PLCH2: variants seen among roughly 807,000 people sequenced by gnomAD.
PLCH2 encodes the protein phospholipase C eta 2, also known as 1-phosphatidylinositol 4,5-bisphosphate phosphodiesterase eta-2.
In PLCH2, 98 loss-of-function variants were observed where a neutral mutation model predicts 134.7. That is an observed-to-expected ratio of 0.73 (90% CI 0.62 to 0.86). The LOEUF is 0.86. PLCH2 is among the 40% of genes least tolerant of loss of function. PLCH2 has a pLI of 0.00. For synonymous variants in PLCH2, 974 were observed against 827.5 expected (o/e 1.18, Z -3.04); for missense variants, 1,994 against 1,986.6 (o/e 1.00, Z -0.07).
At chr1:2,435,508 G>A (rs903099409) in intron 2 of PLCH2, among the ~76,000 whole-genome samples, 4 of 152,080 alleles carry the variant, frequency 2.6e-5, no homozygotes, top group African/African-American at 4.8e-5. Context: ...TTAGTGAGGC[G>A]GGGATAGCAG....
intron 2 of PLCH2, among the ~76,000 whole-genome samples, chr1:2,449,964 G>C (rs974001403): frequency 2.0e-5 from 3 of 152,220 alleles, no homozygotes; most frequent in Non-Finnish European, 2.9e-5. Context: ...GGCTGGCCTC[G>C]GACTGGGCTG....
At chr1:2,423,713 T>C (rs1028179822), upstream of PLCH2, among the ~76,000 whole-genome samples, 3 of 151,794 alleles carry the variant, frequency 2.0e-5, no homozygotes, top group African/African-American at 7.2e-5. Context: ...GTAATTTTAC[T>C]GTTATGCAGG....
At chr1:2,426,716 ATGGAGG>A (rs1290618806) in intron 1 of PLCH2, among the ~76,000 whole-genome samples, 2 of 152,180 alleles carry the variant, frequency 1.3e-5, no homozygotes, top group African/African-American at 4.8e-5. Context: ...CGCTGTGAGC[ATGGAGG>A]GGCCTGGCCT....
intron 5 of PLCH2, among the ~76,000 whole-genome samples, chr1:2,486,198 T>C (rs376496482): frequency 7.2e-5 from 11 of 152,186 alleles, no homozygotes; most frequent in African/African-American, 2.7e-4. Flanking sequence ...TCCCTGACCT[T>C]TGCCCCAAGC....
chr1:2,496,914 A>G lies in PLCH2; in HGVS notation c.2020A>G (p.Asn674Asp). ...GAAGCCGGCGCAGTACCTACGCTTCAACCAGCAGCAGCTCTCCCGCATCTA... is the reference window on the plus strand; with the variant it reads ...GAAGCCGGCGCAGTACCTACGCTTCGACCAGCAGCAGCTCTCCCGCATCTA... ...QQKPAQYLRFNQQQLSRIYPS... is the reference protein window; with the variant it reads ...QQKPAQYLRFDQQQLSRIYPS... Residue 674 changes from asparagine to aspartate, a missense_variant, in exon 15 of 22, where the codon AAC becomes GAC. By Grantham distance (23) the Asn-to-Asp change is conservative. Around this residue, in one of 2 missense-constraint regions of PLCH2, gnomAD observed 1,094 missense variants for 1,234.3 expected, o/e 0.89. Transcript: ENST00000378486. The G allele has an allele frequency of 6.2e-7, 1 of 1,613,194 alleles. No individual in the cohort carries two copies. Among genetic ancestry groups the G allele is most frequent in the South Asian group, 1.1e-5 (1 of 91,076 alleles).
chr1:2,436,748 TG>T (rs1285833355), intron 2 of PLCH2, among the ~76,000 whole-genome samples: 1 of 152,326 alleles, frequency 6.6e-6, no homozygotes, highest in East Asian at 1.9e-4. Context: ...CCTAGTGTCC[TG>T]GAAACTGGCA....
In PLCH2 at chr1:2,499,174, C is replaced by T. The variant is rs772652078; in HGVS notation, c.2525C>T (p.Pro842Leu). 6.2e-7 allele frequency: 1 copy of T among 1,613,256 alleles called. No homozygotes were observed. The highest frequency in any genetic ancestry group is 8.5e-7 in the Non-Finnish European group (1 of 1,179,812). Residue 842 changes from proline (P) to leucine (L), a missense_variant, in exon 19 of 22, where the codon CCC becomes CTC. By Grantham distance (98) the Pro-to-Leu change is moderately conservative. Around this residue, in one of 2 missense-constraint regions of PLCH2, gnomAD observed 1,094 missense variants for 1,234.3 expected, o/e 0.89. Transcript: ENST00000378486. ...CGCTTCCTCGTCTGGGACCACGATC[C>T]CATCGGGCGTGACTTCATTGGCCAG... Reference protein sequence around the residue: ...LVRFLVWDHDPIGRDFIGQRT... With the variant: ...LVRFLVWDHDLIGRDFIGQRT...
chr1:2,456,635 G>A (rs569181505), intron 2 of PLCH2, among the ~76,000 whole-genome samples: 4 of 152,306 alleles, frequency 2.6e-5, no homozygotes, highest in East Asian at 1.9e-4. Context: ...CTGGTGAGAC[G>A]CGGCCTCCGT....
At chr1:2,485,769 G>A (rs544692111) in intron 5 of PLCH2, among the ~76,000 whole-genome samples, 2 of 152,278 alleles carry the variant, frequency 1.3e-5, no homozygotes, top group African/African-American at 4.8e-5. Context: ...GGATGGGAGT[G>A]GCAGGAGGAG....
chr1:2,497,107 G>C (rs1038760199), intron 15 of PLCH2, 97 bp downstream of exon 15: 1 of 1,244,392 alleles, frequency 8.0e-7, no homozygotes, highest in African/African-American at 1.5e-5. Context: ...CTGGGGCCTC[G>C]GTTCTGTCCT....
At position 2,439,152 on chromosome 1, in the gene PLCH2, T is replaced by TC. The variant is rs1214878326; in HGVS notation, c.115+8524dup. 1.3e-5 allele frequency among the ~76,000 whole-genome samples: 2 copies of TC among 152,212 alleles called. No individual in the cohort carries two copies. Among genetic ancestry groups the TC allele is most frequent in the East Asian group, 1.9e-4 (1 of 5,196 alleles). On this transcript the variant is annotated intron_variant, in intron 2 of 3. Transcript: ENST00000609981. This position sits in a 1 kb window ranked among gnomAD's most constrained non-coding sequence, Gnocchi z 4.7. Reference sequence around the variant, plus strand: ...TCTGGGGACCCTGGGCAGGTGCCTTTCTCTCTTTGTGCCTCAGTTTCCCCC... The same window carrying TC: ...TCTGGGGACCCTGGGCAGGTGCCTTTCCTCTCTTTGTGCCTCAGTTTCCCCC...
chr1:2,503,933 C>G lies in PLCH2; in HGVS notation c.2971C>G (p.Leu991Val). 3 of 1,165,378 alleles carry G rather than the reference C, an allele frequency of 2.6e-6. No homozygotes were observed. The highest frequency in any genetic ancestry group is 3.7e-6 in the Non-Finnish European group (3 of 802,880). 72.2% of individuals were successfully genotyped at this position (1,165,378 alleles called of 1,614,324 possible). The change falls in exon 22 of 22, where the codon CTC becomes GTC. Residue 991 changes from leucine to valine, a missense_variant. Transcript: ENST00000378486. The stretch of plus-strand genomic sequence containing the variant: ...CCACCTCCCCACAGACACCCGCCCC[C>G]TCTCCACGCAGCGGCCACTCCCCCC... ...GSGSPRDTRP[L>V]STQRPLPPLC...
Position 2,476,609 on chromosome 1 carries a change from C to G in PLCH2, c.21C>G (p.Ser7=). 1.3e-6 allele frequency: 2 copies of G among 1,584,146 alleles called. No homozygotes were observed. The highest frequency in any genetic ancestry group is 1.7e-6 in the Non-Finnish European group (2 of 1,168,012). MSGPWP[S]PDSRTKGTVA... ...AGGCCATGTCTGGTCCATGGCCCTC[C>G]CCCGACAGCCGGACCAAGGGAACGG... is the stretch of plus-strand genomic sequence containing the variant. Residue 7 remains serine (S), a synonymous_variant, in exon 1 of 22, where the codon TCC becomes TCG. Coordinates refer to ENST00000378486, the MANE Select transcript of PLCH2 (RefSeq NM_014638.4).
upstream of PLCH2, among the ~76,000 whole-genome samples, chr1:2,472,348 C>T (rs1304625776): frequency 6.6e-6 from 1 of 152,216 alleles, no homozygotes; most frequent in East Asian, 1.9e-4. Context: ...ACTTCCTCCT[C>T]CCTCCCGTCC....
upstream of PLCH2, among the ~76,000 whole-genome samples, chr1:2,475,230 C>T (rs1641550033): frequency 6.6e-6 from 1 of 152,232 alleles, no homozygotes; most frequent in Non-Finnish European, 1.5e-5. Flanking sequence ...GCCCTGGCAC[C>T]TCCCTGTCCT....
Position 2,504,176 on chromosome 1 carries a change from C to G in PLCH2, c.3214C>G (p.Pro1072Ala). The change falls in exon 22 of 22, where the codon CCC becomes GCC. Residue 1072 changes from proline (P) to alanine (A), a missense_variant. Around this residue, in one of 2 missense-constraint regions of PLCH2, gnomAD observed 900 missense variants for 752.3 expected, o/e 1.20. Coordinates refer to ENST00000378486, the MANE Select transcript of PLCH2 (RefSeq NM_014638.4). The part of the protein sequence containing the change: ...EGAGGAYERA[P>A]GSQTDGRSQP... ...CGCCGGCGGGGCATACGAGAGGGCC[C>G]CCGGCAGCCAGACGGACGGCAGGAG... 6.5e-7 allele frequency: 1 copy of G among 1,537,834 alleles called. No homozygotes were observed. Among genetic ancestry groups the G allele is most frequent in the Non-Finnish European group, 8.7e-7 (1 of 1,143,214 alleles).
At chr1:2,425,088 A>G (rs1347459656), upstream of PLCH2, among the ~76,000 whole-genome samples, 1 of 148,308 alleles carries the variant, frequency 6.7e-6, no homozygotes, top group Non-Finnish European at 1.5e-5. Context: ...ACTTGAACCC[A>G]GGAGGCGGAG....
At chr1:2,438,958 G>T in intron 2 of PLCH2, among the ~76,000 whole-genome samples, 1 of 152,192 alleles carries the variant, frequency 6.6e-6, no homozygotes, top group Non-Finnish European at 1.5e-5. Context: ...CAGGGATCTG[G>T]ATGGGCCGAT....
At chr1:2,423,901 A>G (rs1355071249), upstream of PLCH2, among the ~76,000 whole-genome samples, 1 of 152,066 alleles carries the variant, frequency 6.6e-6, no homozygotes, top group Non-Finnish European at 1.5e-5. Context: ...CGCTGCCTGC[A>G]CCACCAGCTT....
Sources: gnomAD v4.1 joint callset for allele counts (sites outside exome capture counted in the v4.1 genomes callset) on GRCh38, gnomAD v4.1.1 for gene constraint, gnomAD v4.1.1 regional missense constraint, Gnocchi (gnomAD v3.1) non-coding constraint, MANE v1.5 for transcripts, NCBI Gene and HGNC (gene_info 2026-07-23, HGNC 2026-07-21) for gene names.